NPIPB15: variants seen among roughly 807,000 people sequenced by gnomAD.
NPIPB15 encodes nuclear pore complex interacting protein family member B15, also known as nuclear pore complex-interacting protein family member B15.
A neutral mutation model predicts 35.9 loss-of-function variants in NPIPB15; 5 were observed. The observed-to-expected ratio is 0.14, with a 90% CI of 0.07 to 0.29. NPIPB15 has a LOEUF of 0.29. NPIPB15 is among the 10% of genes least tolerant of loss of function. The probability of loss-of-function intolerance (pLI) is 1.00; values close to 1 mark genes in which losing one functional copy is unlikely to be tolerated. For synonymous variants in NPIPB15, 43 were observed against 182.0 expected (o/e 0.24, Z 6.15); for missense variants, 100 against 506.1 (o/e 0.20, Z 7.70).
chr16:74,381,473 G>A (rs370752747), intron 2 of NPIPB15, 43 bp from the exon 3 acceptor site: 31 of 1,567,354 alleles, frequency 2.0e-5, no homozygotes, highest in East Asian at 1.1e-4. Context: ...AAATATTGTC[G>A]GTGTCATTGA....
chr16:74,377,370 C>T (rs2011713294), intron 1 of NPIPB15, among the ~76,000 whole-genome samples, 24 bp downstream of exon 1: 2 of 152,078 alleles, frequency 1.3e-5, no homozygotes, highest in South Asian at 4.2e-4. Context: ...CCAGAGAGGA[C>T]CTGTCCTTGC....
At chr16:74,380,885 C>T (rs930685645) in intron 2 of NPIPB15, among the ~76,000 whole-genome samples, 3 of 152,210 alleles carry the variant, frequency 2.0e-5, no homozygotes, top group African/African-American at 4.8e-5. Context: ...GTGGCTCACA[C>T]CTGTAATCCC....
At chr16:74,377,806 C>T (rs866044822) in intron 1 of NPIPB15, 146 bp from the exon 2 acceptor site, 10 of 19,442 alleles carry the variant, frequency 5.1e-4, no homozygotes, top group Admixed American at 1.1e-3. Context: ...CCCTCCCCCT[C>T]CCCCTCCCCT....
intron 2 of NPIPB15, among the ~76,000 whole-genome samples, chr16:74,378,868 T>A: frequency 6.6e-6 from 1 of 151,990 alleles, no homozygotes; most frequent in South Asian, 2.1e-4. Context: ...TGGGGCAATA[T>A]CAGCTCACCG....
chr16:74,385,950 G>A (rs370175311), intron 5 of NPIPB15, among the ~76,000 whole-genome samples: 105 of 124,908 alleles, frequency 8.4e-4, no homozygotes, highest in East Asian at 4.1e-3. Flanking sequence ...ATTTTTTCGG[G>A]GGAAGAGGAG....
At chr16:74,379,002 G>A (rs1320778937) in intron 2 of NPIPB15, among the ~76,000 whole-genome samples, 2 of 152,118 alleles carry the variant, frequency 1.3e-5, no homozygotes, top group African/African-American at 2.4e-5. Context: ...GTTTCTCCAT[G>A]TTGGTCAGGC....
At chr16:74,379,111 T>G (rs2011843379) in intron 2 of NPIPB15, among the ~76,000 whole-genome samples, 2 of 152,264 alleles carry the variant, frequency 1.3e-5, no homozygotes, top group Middle Eastern at 6.3e-3. Flanking sequence ...AGATCTACAC[T>G]ATTATGTCAC....
chr16:74,387,960 C>T (rs1351872508), intron 5 of NPIPB15, among the ~76,000 whole-genome samples: 2 of 151,968 alleles, frequency 1.3e-5, no homozygotes, highest in African/African-American at 4.8e-5. Context: ...CCCTCAAACT[C>T]TGTGAACTGA....
chr16:74,378,558 C>G (rs1455292460), intron 2 of NPIPB15, among the ~76,000 whole-genome samples: 9 of 148,532 alleles, frequency 6.1e-5, no homozygotes, highest in Middle Eastern at 3.5e-3. Context: ...TCCTGAGTAG[C>G]TCAGATTACA....
At chr16:74,386,485 G>C (rs1442073144) in intron 5 of NPIPB15, among the ~76,000 whole-genome samples, 1 of 120,684 alleles carries the variant, frequency 8.3e-6, no homozygotes, top group Admixed American at 9.7e-5. Flanking sequence ...TTGAGACAGA[G>C]TCTCACTCTG....
At chr16:74,384,760 C>A (rs1177508438) in intron 3 of NPIPB15, among the ~76,000 whole-genome samples, 2 of 142,402 alleles carry the variant, frequency 1.4e-5, no homozygotes, top group Non-Finnish European at 3.0e-5. Flanking sequence ...CAGCTCACCA[C>A]AACCTTTTCC....
At chr16:74,379,559 C>CCATTTT (rs1449099508) in intron 2 of NPIPB15, among the ~76,000 whole-genome samples, 2 of 150,280 alleles carry the variant, frequency 1.3e-5, no homozygotes, top group Non-Finnish European at 3.0e-5. Flanking sequence ...ACTATTCATG[C>CCATTTT]CATTTTCATG....
chr16:74,388,388 A>C (rs2012386355), intron 5 of NPIPB15: 2 of 924,714 alleles, frequency 2.2e-6, no homozygotes. Context: ...GTCAAACACA[A>C]GACTGACCCC....
At position 74,381,167 on chromosome 16, in the gene NPIPB15, T is replaced by C. The variant is rs1262829279; in HGVS notation, c.67-349T>C. 9.3e-5 allele frequency: 23 copies of C among 247,854 alleles called. 2 individuals are homozygous for C. In the South Asian group the frequency reaches 2.3e-3, roughly 24 times the overall value. The allele number at this position is 247,854 out of a possible 1,614,324, so 15.4% of individuals were successfully genotyped here. A position where few individuals can be genotyped will look rare whatever the true frequency, so the allele number is the denominator to read the frequency against. On this transcript the variant is annotated intron_variant, in intron 2 of 7. Coordinates refer to ENST00000692376, the MANE Select transcript of NPIPB15 (RefSeq NM_001306094.2). The stretch of plus-strand genomic sequence containing the variant: ...TGTCTCCAAAAAAAAAAAAAAAGAG[T>C]TTTTTTTTAGATCATCAGCTATTGT...
At chr16:74,387,237 A>G (rs1412468222) in intron 5 of NPIPB15, among the ~76,000 whole-genome samples, 2 of 150,300 alleles carry the variant, frequency 1.3e-5, no homozygotes, top group Non-Finnish European at 3.0e-5. Flanking sequence ...GGTCGCTTTC[A>G]TTGGCAGACC....
Position 74,391,401 on chromosome 16 carries a change from C to T in NPIPB15, c.653C>T (p.Ala218Val), listed in dbSNP as rs10468354. ...CCTTTGGCCCTACAGGTCAGAATGG[C>T]GGCAGCGGAGCATCGTCATTCTTCA... ...RKPLCNWVRM[A>V]AAEHRHSSGL... Residue 218 changes from alanine (A) to valine (V), a missense_variant, in exon 8 of 8, where the codon GCG becomes GTG. Transcript: ENST00000692376. The T allele has an allele frequency of 0.089, 140,444 of 1,576,464 alleles. 2,390 individuals carry two copies. Among genetic ancestry groups the T allele is most frequent in the East Asian group, 0.12 (5,479 of 43,994 alleles).
intron 3 of NPIPB15, among the ~76,000 whole-genome samples, chr16:74,382,781 G>A (rs1423431873): frequency 6.6e-6 from 1 of 152,120 alleles, no homozygotes; most frequent in Non-Finnish European, 1.5e-5. Flanking sequence ...CAAGTCATTT[G>A]GCACTGCCTT....
chr16:74,386,273 C>T (rs1395308939), intron 5 of NPIPB15, among the ~76,000 whole-genome samples: 8 of 133,588 alleles, frequency 6.0e-5, no homozygotes, highest in Admixed American at 4.3e-4. Context: ...GTGTGAGCCA[C>T]CACACCCAGC....
At chr16:74,378,932 C>T (rs1290558561) in intron 2 of NPIPB15, among the ~76,000 whole-genome samples, 3 of 152,028 alleles carry the variant, frequency 2.0e-5, no homozygotes, top group Non-Finnish European at 4.4e-5. Context: ...TCCCGAGTGG[C>T]TGGGATTACA....
Sources: allele counts gnomAD v4.1 joint callset (sites outside exome capture counted in the v4.1 genomes callset), GRCh38; gene constraint gnomAD v4.1.1; transcripts MANE v1.5; gene names NCBI Gene and HGNC (gene_info 2026-07-23, HGNC 2026-07-21).